The following CHCHD3 variants were observed in gnomAD, a reference collection of about 807,000 sequenced individuals.
The protein encoded by CHCHD3 is coiled-coil-helix-coiled-coil-helix domain containing 3.
In CHCHD3, 20 loss-of-function variants were observed where a neutral mutation model predicts 38.2. That is an observed-to-expected ratio of 0.52 (90% confidence interval 0.37 to 0.76). The LOEUF (loss-of-function observed/expected upper bound fraction) is 0.76. Ranked by LOEUF, CHCHD3 falls within the 30% of genes least tolerant of loss-of-function variation. The pLI, the probability that CHCHD3 is intolerant of heterozygous loss-of-function variation, is 0.00. For synonymous variants in CHCHD3, 82 were observed against 100.0 expected (o/e 0.82, Z 1.07); for missense variants, 245 against 279.2 (o/e 0.88, Z 0.87).
intron 2 of CHCHD3, among the ~76,000 whole-genome samples, chr7:133,025,590 C>T (rs1314101449): frequency 6.6e-6 from 1 of 152,162 alleles, no homozygotes; most frequent in African/African-American, 2.4e-5. Context: ...CTGTGACCTC[C>T]GCCTCCTGGG....
chr7:132,839,624 T>A (rs1807887904), intron 5 of CHCHD3, among the ~76,000 whole-genome samples: 1 of 152,240 alleles, frequency 6.6e-6, no homozygotes, highest in South Asian at 2.1e-4. Context: ...AATCATTTAT[T>A]TTTTAATAAA....
intron 5 of CHCHD3, among the ~76,000 whole-genome samples, chr7:132,881,780 A>G (rs1254123530): frequency 1.3e-5 from 2 of 152,214 alleles, no homozygotes; most frequent in African/African-American, 4.8e-5. Flanking sequence ...CTAATACAAA[A>G]GTGTGTGCAG....
intron 6 of CHCHD3, among the ~76,000 whole-genome samples, chr7:132,810,257 G>A (rs564188267): frequency 6.6e-5 from 10 of 152,202 alleles, no homozygotes; most frequent in African/African-American, 1.7e-4. Context: ...ATACACCTTC[G>A]AAGTATTTTA....
intron 2 of CHCHD3, among the ~76,000 whole-genome samples, chr7:133,050,040 T>A (rs1417040498): frequency 6.6e-6 from 1 of 152,080 alleles, no homozygotes; most frequent in African/African-American, 2.4e-5. Flanking sequence ...AAGAAGGCAG[T>A]AGCATCAAAA....
At chr7:132,818,716 C>T (rs752072955) in intron 6 of CHCHD3, among the ~76,000 whole-genome samples, 11 of 152,086 alleles carry the variant, frequency 7.2e-5, no homozygotes, top group Non-Finnish European at 1.2e-4. Context: ...CAAAAGTCAA[C>T]AAATTTTTAA....
chr7:132,971,120 T>C (rs1283113865), intron 4 of CHCHD3, among the ~76,000 whole-genome samples: 1 of 152,192 alleles, frequency 6.6e-6, no homozygotes, highest in Non-Finnish European at 1.5e-5. Flanking sequence ...CAGCAAATAT[T>C]AGATCACGTA....
At chr7:132,838,263 C>T in intron 6 of CHCHD3, 136 bp downstream of exon 6, 1 of 539,136 alleles carries the variant, frequency 1.9e-6, no homozygotes, top group Non-Finnish European at 3.3e-6. Context: ...ACATGGCCCC[C>T]ATCTCAACCA....
chr7:133,011,675 T>C (rs778954315), intron 3 of CHCHD3, among the ~76,000 whole-genome samples: 29 of 152,196 alleles, frequency 1.9e-4, no homozygotes, highest in Middle Eastern at 6.8e-3. Flanking sequence ...GTGGCAAAGG[T>C]GAGAGGTAAT....
At chr7:132,884,938 T>A (rs1037059208) in intron 5 of CHCHD3, among the ~76,000 whole-genome samples, 2 of 152,170 alleles carry the variant, frequency 1.3e-5, no homozygotes, top group African/African-American at 4.8e-5. Flanking sequence ...ACAAATGCAG[T>A]GAAACTGAGT....
intron 2 of CHCHD3, among the ~76,000 whole-genome samples, chr7:133,049,686 T>A (rs1814093578): frequency 6.6e-6 from 1 of 152,254 alleles, no homozygotes; most frequent in Non-Finnish European, 1.5e-5. Flanking sequence ...AGCAGGGCTA[T>A]TCTTTTCAGG....
intron 5 of CHCHD3, among the ~76,000 whole-genome samples, chr7:132,876,589 G>A (rs551278818): frequency 1.3e-5 from 2 of 152,258 alleles, no homozygotes; most frequent in Middle Eastern, 6.8e-3. Context: ...AACCCATATT[G>A]TTGGCATCTC....
At chr7:133,026,896 T>G (rs1813354216) in intron 2 of CHCHD3, among the ~76,000 whole-genome samples, 1 of 151,870 alleles carries the variant, frequency 6.6e-6, no homozygotes, top group African/African-American at 2.4e-5. Flanking sequence ...TGACAGCTAA[T>G]GGGTATGGAA....
intron 4 of CHCHD3, among the ~76,000 whole-genome samples, chr7:132,954,735 T>C (rs992843020): frequency 6.6e-6 from 1 of 152,098 alleles, no homozygotes; most frequent in Non-Finnish European, 1.5e-5. Flanking sequence ...ACAGCAGCAG[T>C]CCCACTGAGG....
At chr7:132,968,178 A>G (rs1019116757) in intron 4 of CHCHD3, among the ~76,000 whole-genome samples, 3 of 152,340 alleles carry the variant, frequency 2.0e-5, no homozygotes, top group East Asian at 3.9e-4. Context: ...GCCACACGTG[A>G]TAACAAAGAA....
chr7:132,994,780 T>C (rs1009092994), intron 3 of CHCHD3, among the ~76,000 whole-genome samples: 3 of 152,174 alleles, frequency 2.0e-5, no homozygotes, highest in South Asian at 2.1e-4. Flanking sequence ...CCTCAACTCC[T>C]TACAACCTCA....
chr7:132,952,347 C>A (rs557169160), intron 4 of CHCHD3, among the ~76,000 whole-genome samples: 1 of 152,148 alleles, frequency 6.6e-6, no homozygotes, highest in Non-Finnish European at 1.5e-5. Flanking sequence ...CTTTAATGAC[C>A]GGCCAGACTT....
intron 2 of CHCHD3, among the ~76,000 whole-genome samples, chr7:133,065,890 T>C (rs1246719007): frequency 1.3e-5 from 2 of 152,182 alleles, no homozygotes; most frequent in Admixed American, 6.5e-5. Flanking sequence ...TTTAGTTCTT[T>C]TCTTGGGTTA....
intron 5 of CHCHD3, among the ~76,000 whole-genome samples, chr7:132,839,158 C>T (rs1208884733): frequency 1.3e-5 from 2 of 151,506 alleles, no homozygotes; most frequent in African/African-American, 4.9e-5. Context: ...AGCCATTGCA[C>T]TCCAGTCTGG....
chr7:132,959,830 C>A, intron 4 of CHCHD3, among the ~76,000 whole-genome samples: 1 of 151,910 alleles, frequency 6.6e-6, no homozygotes, highest in Middle Eastern at 3.4e-3. Context: ...GATTAGGGAA[C>A]TCAAACAGCC....
Sources: allele counts gnomAD v4.1 joint callset (sites outside exome capture counted in the v4.1 genomes callset), GRCh38; gene constraint gnomAD v4.1.1; transcripts MANE v1.5; gene names NCBI Gene and HGNC (gene_info 2026-07-23, HGNC 2026-07-21).